The following BCOR variants were observed in gnomAD, a reference collection of about 807,000 sequenced individuals.
BCOR encodes BCL6 corepressor, also known as BCL-6 corepressor.
BCOR carries 10 observed loss-of-function variants against 86.7 expected under a neutral mutation model. That is an observed-to-expected ratio of 0.12 (90% CI 0.07 to 0.20). BCOR has a LOEUF of 0.20. Ranked by LOEUF, BCOR falls within the 10% of genes least tolerant of loss-of-function variation. The pLI, the probability that BCOR is intolerant of heterozygous loss-of-function variation, is 1.00. For missense variants in BCOR, 1,259 were observed against 1,452.1 expected (o/e 0.87, Z 2.16); for synonymous variants, 611 against 609.0 (o/e 1.00, Z -0.05).
chrX:40,142,643 T>C (rs1937947021), intron 1 of BCOR, among the ~76,000 whole-genome samples: 1 of 111,925 alleles, frequency 8.9e-6, no homozygotes, highest in Non-Finnish European at 1.9e-5. Flanking sequence ...CAAGGGCACC[T>C]GAGTCATTTT....
At chrX:40,100,141 G>A (rs1479021795), upstream of BCOR, among the ~76,000 whole-genome samples, 1 of 113,067 alleles carries the variant, frequency 8.8e-6, no homozygotes, top group Non-Finnish European at 1.9e-5. Flanking sequence ...CTGGAGAAAA[G>A]GCCTCTGGTT....
chrX:40,110,322 TAAA>T (rs902170199), intron 1 of BCOR, among the ~76,000 whole-genome samples: 2 of 111,097 alleles, frequency 1.8e-5, no homozygotes, highest in African/African-American at 6.5e-5. Flanking sequence ...CTTCAATAGT[TAAA>T]AAAAAGACAT....
upstream of BCOR, among the ~76,000 whole-genome samples, chrX:40,100,786 G>A (rs1937058879): frequency 9.1e-6 from 1 of 109,626 alleles, no homozygotes; most frequent in Admixed American, 9.7e-5. Context: ...AATGCGAAGG[G>A]GCCGAGGGGA....
At chrX:40,176,138 C>T (rs1379824831) in intron 1 of BCOR, among the ~76,000 whole-genome samples, 1 of 113,100 alleles carries the variant, frequency 8.8e-6, no homozygotes. Context: ...GGCCACGAGG[C>T]CACCAATGTC....
intron 1 of BCOR, among the ~76,000 whole-genome samples, chrX:40,103,386 C>G (rs1221337709): frequency 1.8e-5 from 2 of 110,795 alleles, no homozygotes; most frequent in Non-Finnish European, 3.8e-5. Flanking sequence ...TGCATCCCCC[C>G]CTCCCCAAAA....
At chrX:40,052,726 G>A (rs1360074783) in intron 14 of BCOR, among the ~76,000 whole-genome samples, 2 of 109,414 alleles carry the variant, frequency 1.8e-5, no homozygotes, top group East Asian at 2.9e-4. Flanking sequence ...CACCATGCCC[G>A]GCTACTTTTT....
At chrX:40,175,084 G>A (rs754798592) in intron 1 of BCOR, among the ~76,000 whole-genome samples, 8 of 106,430 alleles carry the variant, frequency 7.5e-5, no homozygotes, top group African/African-American at 1.0e-4. Context: ...AGGAACGGAG[G>A]CCGTCCATAT....
chrX:40,141,271 CCA>C (rs911359646), intron 1 of BCOR, among the ~76,000 whole-genome samples: 8 of 112,916 alleles, frequency 7.1e-5, no homozygotes, highest in Non-Finnish European at 1.5e-4. Context: ...CCCTGTTGGC[CCA>C]CAGACTCTGG....
intron 1 of BCOR, among the ~76,000 whole-genome samples, chrX:40,165,272 G>A (rs7892685): frequency 1.8e-5 from 2 of 111,072 alleles, no homozygotes; most frequent in East Asian, 5.6e-4. Flanking sequence ...AGGCAACCCC[G>A]CTTCCCCTCC....
At chrX:40,125,094 GCCAT>G (rs201704193) in intron 1 of BCOR, among the ~76,000 whole-genome samples, 2,435 of 110,492 alleles carry the variant, frequency 0.022, 74 homozygotes, top group African/African-American at 0.077. Flanking sequence ...GTTCTGGAAG[GCCAT>G]CCAGTCTGCT....
chrX:40,138,675 C>T (rs990466269), intron 1 of BCOR, among the ~76,000 whole-genome samples: 6 of 110,743 alleles, frequency 5.4e-5, no homozygotes, highest in Admixed American at 1.9e-4. Flanking sequence ...CTGCCTCAGC[C>T]TCCCGAGTAG....
intron 3 of BCOR, 38 bp downstream of exon 3, chrX:40,076,416 T>G (rs1315971216): frequency 1.0e-6 from 1 of 1,001,459 alleles, no homozygotes; most frequent in Non-Finnish European, 1.4e-6. Flanking sequence ...ATCACTGATA[T>G]GCAGATATGG....
chrX:40,154,414 C>G (rs1230241685), intron 1 of BCOR, among the ~76,000 whole-genome samples: 2 of 112,588 alleles, frequency 1.8e-5, no homozygotes, highest in African/African-American at 6.5e-5. Context: ...CTCCGCTCGC[C>G]GTCCCCCTCC....
In BCOR at chrX:40,064,536, G is replaced by A. The variant is rs1192993784; in HGVS notation, c.3302C>T (p.Pro1101Leu). The A allele has an allele frequency of 8.3e-7, 1 of 1,211,871 alleles. No homozygotes were observed. The highest frequency in any genetic ancestry group is 2.3e-4 in the Middle Eastern group (1 of 4,351). Residue 1101 changes from proline (P) to leucine (L), a missense_variant, in exon 7 of 15, where the codon CCT becomes CTT. Physicochemically the swap from Pro to Leu is moderately conservative, Grantham distance 98. Coordinates refer to ENST00000378444, the MANE Select transcript of BCOR (RefSeq NM_001123385.2). The stretch of plus-strand genomic sequence containing the variant: ...CCTCTCCACAAAGTACTTCTCCACA[G>A]GAAGATCTTTGTCCTCTGGGGCTTC... ...PFEAPEDKDL[P>L]VEKYFVERQP...
intron 6 of BCOR, among the ~76,000 whole-genome samples, chrX:40,065,106 A>T (rs1363658809): frequency 9.0e-6 from 1 of 111,620 alleles, no homozygotes; most frequent in Admixed American, 9.4e-5. Flanking sequence ...AACCGGGGAG[A>T]TGAAAATGGA....
At chrX:40,080,829 T>A (rs1025462035) in intron 1 of BCOR, among the ~76,000 whole-genome samples, 44 of 66,595 alleles carry the variant, frequency 6.6e-4, no homozygotes, top group African/African-American at 5.5e-3. Flanking sequence ...TGTGTGTGTG[T>A]GTGTGTGTGT....
intron 1 of BCOR, among the ~76,000 whole-genome samples, chrX:40,088,948 A>G (rs1038731075): frequency 8.9e-6 from 1 of 111,839 alleles, no homozygotes; most frequent in Non-Finnish European, 1.9e-5. Flanking sequence ...TTGGGGGTGG[A>G]GGGGAGAAGC....
At chrX:40,088,237 C>T (rs946811123) in intron 1 of BCOR, among the ~76,000 whole-genome samples, 1 of 112,582 alleles carries the variant, frequency 8.9e-6, no homozygotes, top group African/African-American at 3.2e-5. Context: ...TTCCAAGCCC[C>T]AGCCCAGGCT....
chrX:40,140,256 G>A (rs1428266488), intron 1 of BCOR, among the ~76,000 whole-genome samples: 5 of 105,045 alleles, frequency 4.8e-5, no homozygotes, highest in African/African-American at 1.4e-4. Flanking sequence ...CCAGGAGTTC[G>A]AGACCAGCCT....
Sources: gnomAD v4.1 joint callset for allele counts (sites outside exome capture counted in the v4.1 genomes callset) on GRCh38, gnomAD v4.1.1 for gene constraint, MANE v1.5 for transcripts, NCBI Gene and HGNC (gene_info 2026-07-23, HGNC 2026-07-21) for gene names.